VHL: variants seen among roughly 807,000 people sequenced by gnomAD.
The protein encoded by VHL is von Hippel-Lindau disease tumor suppressor.
VHL carries 10 observed loss-of-function variants against 19.2 expected under a neutral mutation model. The observed-to-expected ratio is 0.52, with a 90% CI of 0.32 to 0.89. VHL has a LOEUF of 0.89. Ranked by LOEUF, VHL falls within the 40% of genes least tolerant of loss-of-function variation. The pLI, the probability that VHL is intolerant of heterozygous loss-of-function variation, is 0.03. For synonymous variants in VHL, 167 were observed against 129.5 expected, an observed-to-expected ratio of 1.29 and a Z score of -1.97; for missense variants, 328 against 292.7, an observed-to-expected ratio of 1.12 and a Z score of -0.88.
intron 2 of VHL, among the ~76,000 whole-genome samples, chr3:10,149,503 C>G (rs1696346696): frequency 6.6e-6 from 1 of 152,174 alleles, no homozygotes. Flanking sequence ...CTTTTTAAGG[C>G]TTCGGCCTAG....
chr3:10,149,974 G>C lies in VHL; in HGVS notation c.*9G>C, dbSNP rs764358108. On this transcript the variant is annotated 3_prime_UTR_variant, in exon 3 of 3. Coordinates refer to ENST00000256474, the MANE Select transcript of VHL (RefSeq NM_000551.4). ...AACGGATGGGAGATTGAAGATTTCTGTTGAAACTTACACTGTTTCATCTCA... is the reference window on the plus strand; with the variant it reads ...AACGGATGGGAGATTGAAGATTTCTCTTGAAACTTACACTGTTTCATCTCA... 1 of 1,611,714 alleles carries C rather than the reference G, an allele frequency of 6.2e-7. No individual in the cohort carries two copies. The highest frequency in any genetic ancestry group is 1.3e-5 in the African/African-American group (1 of 74,880).
In VHL at chr3:10,142,099, G is replaced by A. The variant is rs1436342215; in HGVS notation, c.252G>A (p.Val84=). Residue 84 remains valine (V), a synonymous_variant, in exon 1 of 3, where the codon GTG becomes GTA. Transcript: ENST00000256474. ...VIFCNRSPRV[V]LPVWLNFDGE... ...TCTGCAATCGCAGTCCGCGCGTCGT[G>A]CTGCCCGTATGGCTCAACTTCGACG... 6.2e-7 allele frequency: 1 copy of A among 1,603,864 alleles called. No homozygotes were observed.
At chr3:10,147,492 G>A (rs1350923666) in intron 2 of VHL, among the ~76,000 whole-genome samples, 1 of 151,858 alleles carries the variant, frequency 6.6e-6, no homozygotes, top group Admixed American at 6.6e-5. Context: ...AGCCTCCTGG[G>A]TAGCTGGGGT....
Position 10,142,076 on chromosome 3 carries a change from T to A in VHL, c.229T>A (p.Cys77Ser). 1 of 1,606,916 alleles carries A rather than the reference T, an allele frequency of 6.2e-7. No individual in the cohort carries two copies. Among genetic ancestry groups the A allele is most frequent in the Non-Finnish European group, 8.5e-7 (1 of 1,179,582 alleles). The change falls in exon 1 of 3, where the codon TGC becomes AGC. Residue 77 changes from cysteine to serine, a missense_variant. Coordinates refer to ENST00000256474, the MANE Select transcript of VHL (RefSeq NM_000551.4). ...NSREPSQVIF[C>S]NRSPRVVLPV... ...GCGCGAGCCCTCCCAGGTCATCTTC[T>A]GCAATCGCAGTCCGCGCGTCGTGCT...
At position 10,141,873 on chromosome 3, in the gene VHL, A is replaced by G. The variant is rs1060503560; in HGVS notation, c.26A>G (p.Asp9Gly). ...ATGCCCCGGAGGGCGGAGAACTGGG[A>G]CGAGGCCGAGGTAGGCGCGGAGGAG... MPRRAENWDEAEVGAEEAG... is the reference protein window; with the variant it reads MPRRAENWGEAEVGAEEAG... Residue 9 changes from aspartate (D) to glycine (G), a missense_variant, in exon 1 of 3, where the codon GAC becomes GGC. By Grantham distance (94) the Asp-to-Gly change is moderately conservative. Transcript: ENST00000256474. 1 of 1,534,816 alleles carries G rather than the reference A, an allele frequency of 6.5e-7. No homozygotes were observed. The highest frequency in any genetic ancestry group is 2.5e-5 in the East Asian group (1 of 40,506).
intron 1 of VHL, 106 bp downstream of exon 1, chr3:10,142,293 G>A (rs898914118): frequency 3.9e-6 from 5 of 1,273,322 alleles, no homozygotes; most frequent in Non-Finnish European, 5.5e-6. Context: ...GAGGCCCCTT[G>A]AGGCAGGACA....
chr3:10,141,794 T>C lies in VHL; in HGVS notation c.-54T>C, dbSNP rs991048734. 1 of 1,532,934 alleles carries C rather than the reference T, an allele frequency of 6.5e-7. No individual in the cohort carries two copies. Among genetic ancestry groups the C allele is most frequent in the Admixed American group, 2.0e-5 (1 of 49,294 alleles). 95.0% of individuals were successfully genotyped at this position (1,532,934 alleles called of 1,614,324 possible). A position where few individuals can be genotyped will look rare whatever the true frequency, so the allele number is the denominator to read the frequency against. On this transcript the variant is annotated 5_prime_UTR_variant, in exon 1 of 3. Coordinates refer to ENST00000256474, the MANE Select transcript of VHL (RefSeq NM_000551.4). The stretch of plus-strand genomic sequence containing the variant: ...AGCGCGCACGCAGCTCCGCCCCGCG[T>C]CCGACCCGCGGATCCCGCGGCGTCC...
At chr3:10,149,030 T>G (rs1255525494) in intron 2 of VHL, among the ~76,000 whole-genome samples, 1 of 151,868 alleles carries the variant, frequency 6.6e-6, no homozygotes, top group Non-Finnish European at 1.5e-5. Flanking sequence ...AGGCAGTTAC[T>G]CTGCTGGTGG....
At position 10,150,666 on chromosome 3, in the gene VHL, G is replaced by C; in HGVS notation, c.*701G>C. The C allele has an allele frequency of 4.3e-6, 1 of 234,676 alleles. No homozygotes were observed. The highest frequency in any genetic ancestry group is 2.2e-5 in the African/African-American group (1 of 45,456). The allele number at this position is 234,676 out of a possible 1,614,324, so 14.5% of individuals were successfully genotyped here. On this transcript the variant is annotated 3_prime_UTR_variant, in exon 3 of 3. Transcript: ENST00000256474. ...TCGTGCACTTTCTCGGTCCACTCTT[G>C]TTGAAGTGCTGTTTTATTACTGTTT...
intron 2 of VHL, among the ~76,000 whole-genome samples, chr3:10,148,727 G>C (rs1369762202): frequency 1.4e-5 from 2 of 146,950 alleles, no homozygotes; most frequent in Admixed American, 1.4e-4. Flanking sequence ...CACCCAGGCT[G>C]GAGTGCAGTG....
In VHL at chr3:10,153,256, C is replaced by T. The variant is rs539147546; in HGVS notation, c.*3291C>T. Among the ~76,000 whole-genome samples the T allele has an allele frequency of 1.2e-4, 18 of 151,118 alleles. No homozygotes were observed. Among genetic ancestry groups the T allele is most frequent in the East Asian group, 3.9e-4 (2 of 5,128 alleles). The stretch of plus-strand genomic sequence containing the variant: ...TGGTGCCACTGCACTCTAACCTGGG[C>T]GACAGAGTGAGACACCGTCTCAAAA... On this transcript the variant is annotated 3_prime_UTR_variant, in exon 3 of 3. Transcript: ENST00000256474.
In VHL at chr3:10,150,747, T is replaced by G. The variant is rs1696390389; in HGVS notation, c.*782T>G. The G allele has an allele frequency of 8.6e-6, 2 of 233,188 alleles. No homozygotes were observed. The highest frequency in any genetic ancestry group is 1.1e-4 in the Admixed American group (2 of 17,778). 14.4% of individuals were successfully genotyped at this position (233,188 alleles called of 1,614,324 possible). A position where few individuals can be genotyped will look rare whatever the true frequency, so the allele number is the denominator to read the frequency against. ...ATAATAGCATTTTTGTAACTTGCCA[T>G]CCGCACAGAAAATACGAGAAAATCT... On this transcript the variant is annotated 3_prime_UTR_variant, in exon 3 of 3. Transcript: ENST00000256474.
rs1332101042 is a variant in VHL, at chr3:10,152,781, C to T, written c.*2816C>T. 6.6e-6 allele frequency among the ~76,000 whole-genome samples: 1 copy of T among 151,736 alleles called. No homozygotes were observed. The highest frequency in any genetic ancestry group is 1.5e-5 in the Non-Finnish European group (1 of 67,978). On this transcript the variant is annotated 3_prime_UTR_variant, in exon 3 of 3. Transcript: ENST00000256474. Reference sequence around the variant, plus strand: ...CTGGGATTACAGGTGTGAGCCACCGCGTCCAGCCAGCTTTATTATTTTTTT... The same window carrying T: ...CTGGGATTACAGGTGTGAGCCACCGTGTCCAGCCAGCTTTATTATTTTTTT...
intron 1 of VHL, among the ~76,000 whole-genome samples, chr3:10,144,496 C>CTTTTT (rs34512214): frequency 0.019 from 2,260 of 116,578 alleles, 143 homozygotes; most frequent in African/African-American, 0.074. Flanking sequence ...TCTATCTTGT[C>CTTTTT]TTTTTTTTTT....
chr3:10,150,138 T>C lies in VHL; in HGVS notation c.*173T>C. ...CTGACTTCACTAGGCATTGTGATGT[T>C]TAGGGGCAAACATCACAAAATGTAA... On this transcript the variant is annotated 3_prime_UTR_variant, in exon 3 of 3. Coordinates refer to ENST00000256474, the MANE Select transcript of VHL (RefSeq NM_000551.4). The C allele has an allele frequency of 6.7e-7, 1 of 1,487,978 alleles. No individual in the cohort carries two copies. The highest frequency in any genetic ancestry group is 1.4e-5 in the African/African-American group (1 of 71,642). The allele number at this position is 1,487,978 out of a possible 1,614,324, so 92.2% of individuals were successfully genotyped here.
rs1696113334 is a variant in VHL, at chr3:10,141,856, G to C, written c.9G>C (p.Arg3=). 1.3e-6 allele frequency: 2 copies of C among 1,535,996 alleles called. No homozygotes were observed. Among genetic ancestry groups the C allele is most frequent in the Non-Finnish European group, 1.8e-6 (2 of 1,139,862 alleles). Reference sequence around the variant, plus strand: ...TCTGGATCGCGGAGGGAATGCCCCGGAGGGCGGAGAACTGGGACGAGGCCG... The same window carrying C: ...TCTGGATCGCGGAGGGAATGCCCCGCAGGGCGGAGAACTGGGACGAGGCCG... The part of the protein sequence containing the change: MP[R]RAENWDEAEV... Residue 3 remains arginine (R), a synonymous_variant, in exon 1 of 3, where the codon CGG becomes CGC. Transcript: ENST00000256474.
chr3:10,148,536 G>T (rs1453502457), intron 2 of VHL, among the ~76,000 whole-genome samples: 1 of 151,238 alleles, frequency 6.6e-6, no homozygotes, highest in Non-Finnish European at 1.5e-5. Flanking sequence ...GGATGGTCTC[G>T]ATCTCCTGAC....
intron 1 of VHL, among the ~76,000 whole-genome samples, chr3:10,146,299 G>A (rs1486453337): frequency 1.4e-5 from 2 of 146,382 alleles, no homozygotes; most frequent in African/African-American, 2.5e-5. Context: ...TCAGCCTCCC[G>A]AGTAGCTGGG....
At position 10,153,562 on chromosome 3, in the gene VHL, A is replaced by G. The variant is rs1316063730; in HGVS notation, c.*3597A>G. Among the ~76,000 whole-genome samples the G allele has an allele frequency of 6.6e-6, 1 of 152,108 alleles. No homozygotes were observed. Among genetic ancestry groups the G allele is most frequent in the African/African-American group, 2.4e-5 (1 of 41,440 alleles). On this transcript the variant is annotated 3_prime_UTR_variant, in exon 3 of 3. Coordinates refer to ENST00000256474, the MANE Select transcript of VHL (RefSeq NM_000551.4). Reference sequence around the variant, plus strand: ...ATTTCGAATCTTGTGAATGTATTAAATATATCGCTCTTAAGAGACGGTGAA... The same window carrying G: ...ATTTCGAATCTTGTGAATGTATTAAGTATATCGCTCTTAAGAGACGGTGAA...
Sources: gnomAD v4.1 joint callset for allele counts (sites outside exome capture counted in the v4.1 genomes callset) on GRCh38, gnomAD v4.1.1 for gene constraint, MANE v1.5 for transcripts, NCBI Gene and HGNC (gene_info 2026-07-23, HGNC 2026-07-21) for gene names.